CMTM8: variants seen among roughly 807,000 people sequenced by gnomAD.
CMTM8 encodes the protein CKLF like MARVEL transmembrane domain containing 8, also known as CKLF-like MARVEL transmembrane domain-containing protein 8.
CMTM8 carries 12 observed loss-of-function variants against 18.6 expected under a neutral mutation model. The observed-to-expected ratio is 0.65, with a 90% confidence interval of 0.41 to 1.05. CMTM8 has a LOEUF of 1.05. CMTM8 is among the 50% of genes least tolerant of loss of function. CMTM8 has a pLI of 0.00. For synonymous variants in CMTM8, 87 were observed against 90.6 expected (o/e 0.96, Z 0.23); for missense variants, 217 against 227.2 (o/e 0.95, Z 0.29).
chr3:32,351,711 C>CAAAA (rs144533624), intron 1 of CMTM8, among the ~76,000 whole-genome samples: 21 of 134,504 alleles, frequency 1.6e-4, no homozygotes, highest in East Asian at 4.4e-4. Flanking sequence ...GACCCTGTCT[C>CAAAA]AAAAAAAAAA....
intron 1 of CMTM8, chr3:32,258,887 G>T: frequency 4.3e-6 from 1 of 234,082 alleles, no homozygotes; most frequent in Non-Finnish European, 8.5e-6. Flanking sequence ...CTACATGTCG[G>T]CAAAGCCTGA....
chr3:32,354,180 C>T (rs1019845480), intron 1 of CMTM8, among the ~76,000 whole-genome samples: 33 of 150,716 alleles, frequency 2.2e-4, no homozygotes, highest in Admixed American at 1.7e-3. Context: ...AAAAAAAATG[C>T]TTATCAGGGA....
intron 1 of CMTM8, among the ~76,000 whole-genome samples, chr3:32,239,790 G>GAA (rs1207253252): frequency 6.6e-6 from 1 of 152,190 alleles, no homozygotes; most frequent in African/African-American, 2.4e-5. Context: ...TCATAGCTGA[G>GAA]AAAGGACTGG....
In CMTM8 at chr3:32,354,348, A is replaced by G. The variant is rs1020980497; in HGVS notation, c.148-3025A>G. On this transcript the variant is annotated intron_variant, in intron 1 of 3. Coordinates refer to ENST00000307526, the MANE Select transcript of CMTM8 (RefSeq NM_178868.5). ...TCTTGATATATTTCAGTTACCTAGGAAATTCACTTGGGTAGAACAATTCTT... is the reference window on the plus strand; with the variant it reads ...TCTTGATATATTTCAGTTACCTAGGGAATTCACTTGGGTAGAACAATTCTT... Among the ~76,000 whole-genome samples the G allele has an allele frequency of 2.6e-5, 4 of 152,146 alleles. No homozygotes were observed. The East Asian group carries it at 7.7e-4, about 29-fold the overall frequency.
chr3:32,298,658 C>T (rs1036075102), intron 1 of CMTM8, among the ~76,000 whole-genome samples: 18 of 150,720 alleles, frequency 1.2e-4, no homozygotes, highest in Non-Finnish European at 1.9e-4. Flanking sequence ...AATTTTGAGA[C>T]AGGGTTTCAC....
chr3:32,252,100 A>C (rs1175188648), intron 1 of CMTM8, among the ~76,000 whole-genome samples: 1 of 152,186 alleles, frequency 6.6e-6, no homozygotes, highest in Admixed American at 6.5e-5. Context: ...CTCAGAAAAA[A>C]TAAAAAAAAT....
intron 1 of CMTM8, among the ~76,000 whole-genome samples, chr3:32,324,000 G>A (rs1026506199): frequency 3.3e-5 from 5 of 152,160 alleles, no homozygotes; most frequent in African/African-American, 1.2e-4. Flanking sequence ...TAAAAAATTG[G>A]GTGGAAGAAG....
At chr3:32,250,972 G>T (rs1702103906) in intron 1 of CMTM8, among the ~76,000 whole-genome samples, 1 of 152,030 alleles carries the variant, frequency 6.6e-6, no homozygotes, top group Non-Finnish European at 1.5e-5. Context: ...ATTATTTTGT[G>T]GTTCGACATA....
intron 1 of CMTM8, chr3:32,259,273 C>T (rs989252235): frequency 1.5e-6 from 1 of 645,910 alleles, no homozygotes; most frequent in Non-Finnish European, 2.9e-6. Flanking sequence ...GAACTGGAGG[C>T]TGGAGAGCAA....
intron 1 of CMTM8, among the ~76,000 whole-genome samples, chr3:32,248,309 A>G (rs1270380865): frequency 6.6e-6 from 1 of 152,194 alleles, no homozygotes; most frequent in East Asian, 1.9e-4. Flanking sequence ...ATAACCTATG[A>G]ACATGGGATG....
intron 2 of CMTM8, among the ~76,000 whole-genome samples, chr3:32,361,430 A>G (rs1427219456): frequency 2.0e-5 from 3 of 152,124 alleles, no homozygotes; most frequent in Admixed American, 6.5e-5. Flanking sequence ...TTTCCTGCTA[A>G]GAGGGATAAT....
chr3:32,316,065 C>T (rs1320749011), intron 1 of CMTM8, among the ~76,000 whole-genome samples: 3 of 129,242 alleles, frequency 2.3e-5, no homozygotes, highest in African/African-American at 6.1e-5. Flanking sequence ...CTTGCTCTGT[C>T]GCCCAGGCTG....
chr3:32,364,861 C>G (rs1210210454), intron 2 of CMTM8, among the ~76,000 whole-genome samples: 1 of 152,224 alleles, frequency 6.6e-6, no homozygotes, highest in Non-Finnish European at 1.5e-5. Context: ...CTTGGCCCCT[C>G]TGCCACTGGG....
At chr3:32,269,280 C>T (rs1004951394) in intron 1 of CMTM8, among the ~76,000 whole-genome samples, 1 of 152,160 alleles carries the variant, frequency 6.6e-6, no homozygotes, top group African/African-American at 2.4e-5. Flanking sequence ...CAGGGAATTT[C>T]CTCAGGGAGA....
chr3:32,240,898 C>G (rs968935853), intron 1 of CMTM8, among the ~76,000 whole-genome samples: 1 of 152,122 alleles, frequency 6.6e-6, no homozygotes, highest in African/African-American at 2.4e-5. Context: ...AGCGATCTTC[C>G]CATCTCAGCC....
At chr3:32,239,663 C>A (rs1386707450) in intron 1 of CMTM8, among the ~76,000 whole-genome samples, 1 of 152,128 alleles carries the variant, frequency 6.6e-6, no homozygotes, top group Non-Finnish European at 1.5e-5. Context: ...TGTGCACATC[C>A]TGGTTTAGGC....
chr3:32,273,990 T>C (rs1273538153), intron 1 of CMTM8, among the ~76,000 whole-genome samples: 6 of 152,158 alleles, frequency 3.9e-5, no homozygotes, highest in African/African-American at 1.4e-4. Flanking sequence ...GGATATTTTC[T>C]TTTCATGCCA....
chr3:32,240,575 T>G (rs1701935170), intron 1 of CMTM8, among the ~76,000 whole-genome samples: 1 of 152,206 alleles, frequency 6.6e-6, no homozygotes, highest in African/African-American at 2.4e-5. Context: ...CGATATGCTC[T>G]GTGTACTGCG....
intron 1 of CMTM8, among the ~76,000 whole-genome samples, chr3:32,305,163 G>A (rs1044180406): frequency 1.1e-4 from 17 of 151,706 alleles, no homozygotes; most frequent in Non-Finnish European, 2.2e-4. Context: ...GGACTCAAGC[G>A]GCTAAGGCAG....
Sources: allele counts gnomAD v4.1 joint callset (sites outside exome capture counted in the v4.1 genomes callset), GRCh38; gene constraint gnomAD v4.1.1; transcripts MANE v1.5; gene names NCBI Gene and HGNC (gene_info 2026-07-23, HGNC 2026-07-21).